The following MTHFD2L variants were observed in gnomAD, a reference collection of about 807,000 sequenced individuals.
MTHFD2L encodes bifunctional methylenetetrahydrofolate dehydrogenase/cyclohydrolase 2, mitochondrial.
Under a neutral mutation model 34.9 loss-of-function variants are expected in MTHFD2L, and 29 were observed. That is an observed-to-expected ratio of 0.83 (90% CI 0.62 to 1.13). The LOEUF is 1.13. Ranked by LOEUF, MTHFD2L falls within the 50% of genes most tolerant of loss-of-function variation. The probability of loss-of-function intolerance (pLI) is 0.00; values close to 1 mark genes in which losing one functional copy is unlikely to be tolerated. For synonymous variants in MTHFD2L, 167 were observed against 155.7 expected (o/e 1.07, Z -0.54); for missense variants, 481 against 446.5 (o/e 1.08, Z -0.70).
At position 74,263,912 on chromosome 4, in the gene MTHFD2L, C is replaced by A. The variant is rs533421671; in HGVS notation, c.806-17513C>A. Among the ~76,000 whole-genome samples the A allele has an allele frequency of 1.1e-4, 17 of 152,138 alleles. 1 individual carries two copies. In the South Asian group the frequency reaches 3.1e-3, roughly 28 times the overall value. On this transcript the variant is annotated intron_variant, in intron 6 of 7. Coordinates refer to ENST00000325278, the MANE Select transcript of MTHFD2L (RefSeq NM_001144978.3). ...TAAGATTAGTCTAACCTTTGAAAAT[C>A]TGTCCATGTAATTTACCATATTAGC...
In MTHFD2L at chr4:74,268,160, A is replaced by G. The variant is rs1438399843; in HGVS notation, c.806-13265A>G. 10 of 983,760 alleles carry G rather than the reference A, an allele frequency of 1.0e-5. No homozygotes were observed. In the East Asian group the frequency reaches 1.1e-3, roughly 112 times the overall value. 60.9% of individuals were successfully genotyped at this position (983,760 alleles called of 1,614,324 possible). On this transcript the variant is annotated intron_variant, in intron 6 of 7. Transcript: ENST00000325278. ...GGATTTCTAGAAATAACAGGAGGAT[A>G]CCTGGGAGAAGACACTGAGGTTTTT...
intron 7 of MTHFD2L, among the ~76,000 whole-genome samples, chr4:74,299,401 C>CAGCAGTAGCAGT (rs760547709): frequency 4.0e-5 from 6 of 151,568 alleles, no homozygotes; most frequent in Non-Finnish European, 8.8e-5. Context: ...GCAGCAGCAG[C>CAGCAGTAGCAGT]AGCAGTAGCA....
chr4:74,281,622 A>G, intron 7 of MTHFD2L, 72 bp downstream of exon 7: 1 of 1,444,372 alleles, frequency 6.9e-7, no homozygotes, highest in Non-Finnish European at 9.3e-7. Context: ...AAAAATAGAG[A>G]AGTTTCATTT....
intron 5 of MTHFD2L, among the ~76,000 whole-genome samples, chr4:74,217,076 A>G (rs1055612559): frequency 1.3e-5 from 2 of 151,454 alleles, no homozygotes; most frequent in African/African-American, 4.9e-5. Context: ...TACCATTCTC[A>G]TGCCCCATCA....
At chr4:74,126,483 A>C (rs113559936) in intron 1 of MTHFD2L, among the ~76,000 whole-genome samples, 1 of 152,048 alleles carries the variant, frequency 6.6e-6, no homozygotes, top group Non-Finnish European at 1.5e-5. Context: ...GAGTCTTCCA[A>C]TATCCACACC....
chr4:74,252,881 T>C (rs1011818951), intron 6 of MTHFD2L, among the ~76,000 whole-genome samples: 1 of 152,054 alleles, frequency 6.6e-6, no homozygotes, highest in Non-Finnish European at 1.5e-5. Context: ...GTTTAAAAAA[T>C]TTATTTCTGA....
At chr4:74,124,942 CAA>C (rs560582984), upstream of MTHFD2L, among the ~76,000 whole-genome samples, 3 of 143,938 alleles carry the variant, frequency 2.1e-5, no homozygotes, top group Non-Finnish European at 4.6e-5. Context: ...AACAGAACAG[CAA>C]AAAAAAAAAA....
chr4:74,272,403 C>A lies in MTHFD2L; in HGVS notation c.806-9022C>A, dbSNP rs922159668. ...TACCTATATCAATCAAAAGGTTGTT[C>A]TTTTAACATTATAAGAAATTTCTCC... is the stretch of plus-strand genomic sequence containing the variant. On this transcript the variant is annotated intron_variant, in intron 6 of 7. Coordinates refer to ENST00000325278, the MANE Select transcript of MTHFD2L (RefSeq NM_001144978.3). Among the ~76,000 whole-genome samples the A allele has an allele frequency of 2.6e-5, 4 of 152,072 alleles. No homozygotes were observed. The East Asian group carries it at 5.8e-4, about 22-fold the overall frequency.
intron 1 of MTHFD2L, among the ~76,000 whole-genome samples, chr4:74,173,531 G>C (rs1364490026): frequency 6.6e-6 from 1 of 152,170 alleles, no homozygotes; most frequent in Admixed American, 6.5e-5. Context: ...TGGGGCCATG[G>C]AATAACATTT....
chr4:74,247,897 A>G (rs370806656), intron 6 of MTHFD2L, among the ~76,000 whole-genome samples: 4 of 151,944 alleles, frequency 2.6e-5, no homozygotes, highest in South Asian at 4.1e-4. Flanking sequence ...TTTTATTGAG[A>G]ATTTTTGCAT....
intron 7 of MTHFD2L, among the ~76,000 whole-genome samples, chr4:74,291,709 A>G (rs1748988328): frequency 6.6e-6 from 1 of 152,184 alleles, no homozygotes; most frequent in South Asian, 2.1e-4. Flanking sequence ...GCTTACTCCC[A>G]AGTGTGTGTT....
At chr4:74,216,882 C>T (rs1023952698) in intron 5 of MTHFD2L, among the ~76,000 whole-genome samples, 1 of 151,836 alleles carries the variant, frequency 6.6e-6, no homozygotes, top group African/African-American at 2.4e-5. Flanking sequence ...GAACTAGTTT[C>T]CCTGCATCCA....
At chr4:74,138,992 T>C (rs928729311) in intron 1 of MTHFD2L, among the ~76,000 whole-genome samples, 5 of 152,196 alleles carry the variant, frequency 3.3e-5, no homozygotes, top group Non-Finnish European at 2.9e-5. Flanking sequence ...AAGCCCAGTG[T>C]TTAAAGGTAG....
At chr4:74,177,298 A>G (rs1346282741) in intron 3 of MTHFD2L, among the ~76,000 whole-genome samples, 3 of 152,008 alleles carry the variant, frequency 2.0e-5, no homozygotes, top group Admixed American at 6.6e-5. Context: ...CTCACTCACA[A>G]TGAATCTCCT....
At chr4:74,184,031 T>C (rs1193224598) in intron 3 of MTHFD2L, 1 of 152,054 alleles carries the variant, frequency 6.6e-6, no homozygotes, top group Non-Finnish European at 1.5e-5. Context: ...AAGTTAAACA[T>C]GTATAATATG....
Position 74,205,387 on chromosome 4 carries a change from C to G in MTHFD2L, c.712+4017C>G, listed in dbSNP as rs1467621206. On this transcript the variant is annotated intron_variant, in intron 5 of 7. Coordinates refer to ENST00000325278, the MANE Select transcript of MTHFD2L (RefSeq NM_001144978.3). ...TGTTCTAATGACACTCAATGTTGAG[C>G]ATTCAGCTCATGCCGTGTATTTATT... 1.3e-5 allele frequency among the ~76,000 whole-genome samples: 2 copies of G among 152,196 alleles called. 1 individual carries two copies. The highest frequency in any genetic ancestry group is 3.9e-4 in the East Asian group (2 of 5,190).
At chr4:74,193,996 G>T (rs1025664068) in intron 3 of MTHFD2L, 1 of 152,034 alleles carries the variant, frequency 6.6e-6, no homozygotes, top group African/African-American at 2.4e-5. Flanking sequence ...GAGGGAAAAG[G>T]TTCAGTATTT....
At chr4:74,152,456 A>C (rs1205659984) in intron 1 of MTHFD2L, among the ~76,000 whole-genome samples, 1 of 152,166 alleles carries the variant, frequency 6.6e-6, no homozygotes, top group African/African-American at 2.4e-5. Context: ...GAATTCCCTT[A>C]CAGAAAATAT....
At chr4:74,176,300 G>T (rs560014329) in intron 3 of MTHFD2L, among the ~76,000 whole-genome samples, 1 of 152,086 alleles carries the variant, frequency 6.6e-6, no homozygotes, top group Non-Finnish European at 1.5e-5. Flanking sequence ...AAATGACTTT[G>T]TTTTTTATGT....
Sources: allele counts gnomAD v4.1 joint callset (sites outside exome capture counted in the v4.1 genomes callset), GRCh38; gene constraint gnomAD v4.1.1; transcripts MANE v1.5; gene names NCBI Gene and HGNC (gene_info 2026-07-23, HGNC 2026-07-21).